The following KLRD1 variants were observed in gnomAD, a reference collection of about 807,000 sequenced individuals.
KLRD1 encodes natural killer cells antigen CD94.
Under a neutral mutation model 22.6 loss-of-function variants are expected in KLRD1, and 21 were observed. The ratio of observed to expected loss-of-function variants is 0.93; its 90% CI spans 0.66 to 1.34. KLRD1 has a LOEUF of 1.34. Among genes scored for constraint, KLRD1 ranks in the 40% most tolerant of loss-of-function variants. KLRD1 has a pLI of 0.00. For synonymous variants in KLRD1, 59 were observed against 71.1 expected (o/e 0.83, Z 0.85); for missense variants, 183 against 208.6 (o/e 0.88, Z 0.76).
chr12:10,290,917 A>G (rs1462668019), intron 1 of KLRD1, among the ~76,000 whole-genome samples: 1 of 152,216 alleles, frequency 6.6e-6, no homozygotes, highest in Non-Finnish European at 1.5e-5. Flanking sequence ...GATTGTACCA[A>G]TGTCAATTTC....
At chr12:10,271,566 T>C (rs1949550046) in intron 1 of KLRD1, among the ~76,000 whole-genome samples, 1 of 152,326 alleles carries the variant, frequency 6.6e-6, no homozygotes, top group South Asian at 2.1e-4. Flanking sequence ...AAATGGTTTT[T>C]ACCTTTTGTT....
Position 10,308,092 on chromosome 12 carries a change from T to G in KLRD1, c.7+8T>G. 6.2e-7 allele frequency: 1 copy of G among 1,611,298 alleles called. No homozygotes were observed. The highest frequency in any genetic ancestry group is 8.5e-7 in the Non-Finnish European group (1 of 1,177,546). On this transcript the variant is annotated splice_region_variant and intron_variant, in intron 1 of 5. Transcript: ENST00000336164. Reference sequence around the variant, plus strand: ...CATAATTTCTCATGGCAGGTATGTGTGATTTCAGTCACTAAATTAAAAATA... The same window carrying G: ...CATAATTTCTCATGGCAGGTATGTGGGATTTCAGTCACTAAATTAAAAATA...
chr12:10,315,392 C>G lies in KLRD1; in HGVS notation c.*599C>G. 2.7e-6 allele frequency: 1 copy of G among 366,476 alleles called. No homozygotes were observed. The highest frequency in any genetic ancestry group is 5.4e-6 in the Non-Finnish European group (1 of 184,696). The allele number at this position is 366,476 out of a possible 1,614,324, so 22.7% of individuals were successfully genotyped here. ...TCTCCCACCTTGGATTCCCAAAGTGCTGGGATTATAGGTGTGAACCACCAT... is the reference window on the plus strand; with the variant it reads ...TCTCCCACCTTGGATTCCCAAAGTGGTGGGATTATAGGTGTGAACCACCAT... On this transcript the variant is annotated 3_prime_UTR_variant, in exon 6 of 6. Coordinates refer to ENST00000336164, the MANE Select transcript of KLRD1 (RefSeq NM_002262.5).
rs1592096339 is a variant in KLRD1, at chr12:10,314,787, C to A, written c.534C>A (p.Leu178=). ...ATCGTTATATCTGTAAGCAACAGCT[C>A]ATTTAAATGTTTCTTGGGGCAGAGA... is the stretch of plus-strand genomic sequence containing the variant. ...DKNRYICKQQ[L]I The change falls in exon 6 of 6, where the codon CTC becomes CTA. Residue 178 remains leucine (L), a synonymous_variant. Coordinates refer to ENST00000336164, the MANE Select transcript of KLRD1 (RefSeq NM_002262.5). The A allele has an allele frequency of 1.2e-6, 2 of 1,604,200 alleles. No homozygotes were observed. The highest frequency in any genetic ancestry group is 1.1e-5 in the South Asian group (1 of 88,548).
At chr12:10,299,103 A>G (rs558614415) in intron 1 of KLRD1, among the ~76,000 whole-genome samples, 1 of 152,188 alleles carries the variant, frequency 6.6e-6, no homozygotes, top group Non-Finnish European at 1.5e-5. Context: ...GCAAAGAATC[A>G]ATCTAGGATT....
At chr12:10,248,589 T>TCCTTCCTTCC (rs1949316167) in intron 1 of KLRD1, among the ~76,000 whole-genome samples, 1 of 87,124 alleles carries the variant, frequency 1.1e-5, no homozygotes, top group South Asian at 4.7e-4. Flanking sequence ...TTCCTTCCCT[T>TCCTTCCTTCC]CTTTTCTTCT....
In KLRD1 at chr12:10,248,037, T is replaced by G. The variant is rs1005396626; in HGVS notation, c.-101+21804T>G. Among the ~76,000 whole-genome samples, 3 of 152,224 alleles carry G rather than the reference T, an allele frequency of 2.0e-5. No homozygotes were observed. The East Asian group carries it at 5.8e-4, about 29-fold the overall frequency. On this transcript the variant is annotated intron_variant, in intron 1 of 5. Coordinates refer to the KLRD1 transcript ENST00000544747. ...TCTCAAAATATATGAAGTCTTACAGTCACTGCTGGCCAGGAGACAGTTGCA... is the reference window on the plus strand; with the variant it reads ...TCTCAAAATATATGAAGTCTTACAGGCACTGCTGGCCAGGAGACAGTTGCA...
At chr12:10,292,495 T>C (rs1949779391) in intron 1 of KLRD1, among the ~76,000 whole-genome samples, 1 of 152,204 alleles carries the variant, frequency 6.6e-6, no homozygotes, top group Non-Finnish European at 1.5e-5. Context: ...TCATCAGAGC[T>C]CTTGGGTGAC....
intron 1 of KLRD1, among the ~76,000 whole-genome samples, chr12:10,279,685 A>G (rs1949623336): frequency 6.6e-6 from 1 of 152,220 alleles, no homozygotes; most frequent in Non-Finnish European, 1.5e-5. Flanking sequence ...AATCATATGT[A>G]TAACTTGTAT....
In KLRD1 at chr12:10,318,232, A is replaced by AT. The variant is rs1950271893; in HGVS notation, c.*3439_*3440insT. The AT allele has an allele frequency of 6.6e-6, 1 of 152,228 alleles. No individual in the cohort carries two copies. The highest frequency in any genetic ancestry group is 2.1e-4 in the South Asian group (1 of 4,836). 9.4% of individuals were successfully genotyped at this position (152,228 alleles called of 1,614,324 possible). A position where few individuals can be genotyped will look rare whatever the true frequency, so the allele number is the denominator to read the frequency against. ...TTTGACTCTTGGCCATGATATGGGT[A>AT]GTAGGCTAACTAACTAGCTAACAAA... is the stretch of plus-strand genomic sequence containing the variant. On this transcript the variant is annotated 3_prime_UTR_variant, in exon 6 of 6. Coordinates refer to ENST00000336164, the MANE Select transcript of KLRD1 (RefSeq NM_002262.5).
chr12:10,305,556 C>T (rs1039719962), upstream of KLRD1, among the ~76,000 whole-genome samples: 1 of 152,102 alleles, frequency 6.6e-6, no homozygotes, highest in Non-Finnish European at 1.5e-5. Context: ...ACACAATGTT[C>T]AGAATTACCT....
At chr12:10,262,828 A>T (rs73068080) in intron 1 of KLRD1, among the ~76,000 whole-genome samples, 3,924 of 152,166 alleles carry the variant, frequency 0.026, 148 homozygotes, top group East Asian at 0.15. Flanking sequence ...TTGAATGAAG[A>T]ACAAATTGTA....
chr12:10,311,204 C>G (rs1184839548), intron 3 of KLRD1, among the ~76,000 whole-genome samples: 1 of 152,062 alleles, frequency 6.6e-6, no homozygotes. Context: ...TTGTACTTAT[C>G]TAAATCATCA....
intron 1 of KLRD1, among the ~76,000 whole-genome samples, chr12:10,239,916 A>T (rs1949225501): frequency 6.6e-6 from 1 of 152,124 alleles, no homozygotes; most frequent in Non-Finnish European, 1.5e-5. Context: ...TGTTGGGATT[A>T]CAGACGTGAG....
At position 10,328,852 on chromosome 12, in the gene KLRD1, A is replaced by G. The variant is rs1052394729; in HGVS notation, c.*14059A>G. On this transcript the variant is annotated 3_prime_UTR_variant, in exon 6 of 6. Transcript: ENST00000336164. ...TGGGGAGGCCTCACTATCATGGCAG[A>G]AGGTAAAACACATGTCTCACATGGC... 1 of 152,264 alleles carries G rather than the reference A, an allele frequency of 6.6e-6. No individual in the cohort carries two copies. Among genetic ancestry groups the G allele is most frequent in the African/African-American group, 2.4e-5 (1 of 41,456 alleles). The allele number at this position is 152,264 out of a possible 1,614,324, so 9.4% of individuals were successfully genotyped here.
chr12:10,257,817 A>G (rs1158021306), intron 1 of KLRD1, among the ~76,000 whole-genome samples: 1 of 151,776 alleles, frequency 6.6e-6, no homozygotes, highest in Non-Finnish European at 1.5e-5. Flanking sequence ...AAAATTGAGC[A>G]CTTGAAAAAA....
chr12:10,303,076 A>G (rs1472161656), upstream of KLRD1, among the ~76,000 whole-genome samples: 2 of 152,216 alleles, frequency 1.3e-5, no homozygotes, highest in African/African-American at 4.8e-5. Context: ...TGATCAAGTC[A>G]GCTTGGAAGT....
intron 1 of KLRD1, among the ~76,000 whole-genome samples, chr12:10,253,787 A>G (rs1949366320): frequency 6.6e-6 from 1 of 152,096 alleles, no homozygotes; most frequent in Non-Finnish European, 1.5e-5. Context: ...CATGGTGTAT[A>G]TGTACCACAT....
chr12:10,288,618 G>A (rs1592062006), intron 1 of KLRD1, among the ~76,000 whole-genome samples: 2 of 152,002 alleles, frequency 1.3e-5, no homozygotes, highest in South Asian at 4.2e-4. Flanking sequence ...CAATATCATA[G>A]GGTTTATGAA....
Sources: allele counts gnomAD v4.1 joint callset (sites outside exome capture counted in the v4.1 genomes callset), GRCh38; gene constraint gnomAD v4.1.1; transcripts MANE v1.5; gene names NCBI Gene and HGNC (gene_info 2026-07-23, HGNC 2026-07-21).